UBR4: variants seen among roughly 807,000 people sequenced by gnomAD.
UBR4 encodes E3 ubiquitin-protein ligase UBR4.
In UBR4, 124 loss-of-function variants were observed where a neutral mutation model predicts 575.6. The ratio of observed to expected loss-of-function variants is 0.22; its 90% CI spans 0.19 to 0.25. The LOEUF is 0.25. Among genes scored for constraint, UBR4 ranks in the 10% least tolerant of loss-of-function variants. UBR4 has a pLI of 1.00. For synonymous variants in UBR4, 2,455 were observed against 2,473.7 expected (o/e 0.99, Z 0.22); for missense variants, 4,818 against 6,478.8 (o/e 0.74, Z 8.80).
Position 19,105,725 on chromosome 1 carries a change from A to G in UBR4, c.12503+8T>C. ...AACCACGCTCCTCATCCCACTCCCA[A>G]ATGGTACCTGGTAAGCAGGTCCAGG... On this transcript the variant is annotated splice_region_variant and intron_variant, in intron 84 of 105. Coordinates refer to ENST00000375254, the MANE Select transcript of UBR4 (RefSeq NM_020765.3). 6.4e-7 allele frequency: 1 copy of G among 1,573,788 alleles called. No homozygotes were observed. Among genetic ancestry groups the G allele is most frequent in the East Asian group, 2.3e-5 (1 of 44,086 alleles).
At chr1:19,083,699 A>G (rs1271800730) in intron 102 of UBR4, among the ~76,000 whole-genome samples, 1 of 152,070 alleles carries the variant, frequency 6.6e-6, no homozygotes, top group Non-Finnish European at 1.5e-5. Flanking sequence ...GCTAATTTAA[A>G]ACAATTGTTT....
rs371240041 is a variant in UBR4 at position 19,138,217 on chromosome 1, C to T, written c.8732-36G>A. 73 of 1,467,068 alleles carry T rather than the reference C, an allele frequency of 5.0e-5. No homozygotes were observed. In the African/African-American group the frequency reaches 9.8e-4, roughly 20 times the overall value. The allele number at this position is 1,467,068 out of a possible 1,614,324, so 90.9% of individuals were successfully genotyped here. On this transcript the variant is annotated intron_variant, in intron 59 of 105. Coordinates refer to ENST00000375254, the MANE Select transcript of UBR4 (RefSeq NM_020765.3). ...ATGGTTTAAAAAGCACAAATCAACT[C>T]CCAAAGCATGAAGGAACCCAGTGCA... is the stretch of plus-strand genomic sequence containing the variant.
At chr1:19,197,599 C>A in intron 7 of UBR4, 71 bp downstream of exon 7, 1 of 1,575,742 alleles carries the variant, frequency 6.3e-7, no homozygotes, top group Non-Finnish European at 8.6e-7. Flanking sequence ...TGCACTCCAG[C>A]CTGGGTGACA....
rs537415565 is a variant in UBR4 at position 19,184,521 on chromosome 1, C to T, written c.1939-346G>A. 2.6e-5 allele frequency among the ~76,000 whole-genome samples: 4 copies of T among 152,292 alleles called. No homozygotes were observed. In the South Asian group the frequency reaches 6.2e-4, roughly 24 times the overall value. ...ACTACTGATATATTCAATCCTGAAGCCTATATGAATGATTATTACACATAT... is the reference window on the plus strand; with the variant it reads ...ACTACTGATATATTCAATCCTGAAGTCTATATGAATGATTATTACACATAT... On this transcript the variant is annotated intron_variant, in intron 15 of 105. Coordinates refer to ENST00000375254, the MANE Select transcript of UBR4 (RefSeq NM_020765.3).
intron 49 of UBR4, chr1:19,149,732 C>T (rs575686947): frequency 4.9e-5 from 64 of 1,298,796 alleles, no homozygotes; most frequent in Non-Finnish European, 6.5e-5. Flanking sequence ...CACACTCACT[C>T]GTGCAGAGAA....
In UBR4 at chr1:19,100,848, T is replaced by G. The variant is rs142580657; in HGVS notation, c.13024-275A>C. 1.2e-4 allele frequency among the ~76,000 whole-genome samples: 18 copies of G among 151,828 alleles called. No individual in the cohort carries two copies. The highest frequency in any genetic ancestry group is 3.4e-3 in the Middle Eastern group (1 of 294). ...CAGACAAGGAGTGACATATGAGAGA[T>G]ATATTAAAAAATCGGGGAAGGGGTG... On this transcript the variant is annotated intron_variant, in intron 88 of 105. Transcript: ENST00000375254. This position sits in a 1 kb window ranked among gnomAD's most constrained non-coding sequence, Gnocchi z 4.2.
Position 19,152,218 on chromosome 1 carries a change from C to G in UBR4, c.6996+95G>C. On this transcript the variant is annotated intron_variant, in intron 47 of 105. Coordinates refer to ENST00000375254, the MANE Select transcript of UBR4 (RefSeq NM_020765.3). This position sits in a 1 kb window ranked among gnomAD's most constrained non-coding sequence, Gnocchi z 4.4. Reference sequence around the variant, plus strand: ...CGAGGGTTGTGACTGTGAGTATATACTCTATACTTGCTTTCTAAAAGGAGA... The same window carrying G: ...CGAGGGTTGTGACTGTGAGTATATAGTCTATACTTGCTTTCTAAAAGGAGA... 1 of 1,486,816 alleles carries G rather than the reference C, an allele frequency of 6.7e-7. No individual in the cohort carries two copies. The highest frequency in any genetic ancestry group is 9.2e-7 in the Non-Finnish European group (1 of 1,081,408). The allele number at this position is 1,486,816 out of a possible 1,614,324, so 92.1% of individuals were successfully genotyped here.
chr1:19,181,255 G>C (rs2090923712), intron 17 of UBR4, among the ~76,000 whole-genome samples: 1 of 151,982 alleles, frequency 6.6e-6, no homozygotes, highest in Non-Finnish European at 1.5e-5. Context: ...GGACGGACCA[G>C]CCGGGCATGA....
intron 102 of UBR4, chr1:19,081,783 T>C (rs771581174): frequency 4.3e-6 from 3 of 694,596 alleles, no homozygotes; most frequent in African/African-American, 1.9e-5. Flanking sequence ...CTTCGCGGCA[T>C]CTTCCCTTCT....
intron 30 of UBR4, 118 bp downstream of exon 30, chr1:19,165,538 G>A (rs1285384314): frequency 8.4e-7 from 1 of 1,184,626 alleles, no homozygotes; most frequent in East Asian, 2.4e-5. Flanking sequence ...CCAAAGTGCA[G>A]ACACCTAACC....
intron 8 of UBR4, 72 bp downstream of exon 8, chr1:19,197,069 G>C: frequency 6.4e-7 from 1 of 1,552,338 alleles, no homozygotes; most frequent in Non-Finnish European, 8.8e-7. Context: ...TATTCAGGAG[G>C]ATTTTCATGG....
chr1:19,178,231 G>A (rs1355103334), intron 18 of UBR4, among the ~76,000 whole-genome samples: 2 of 152,108 alleles, frequency 1.3e-5, no homozygotes, highest in African/African-American at 4.8e-5. Flanking sequence ...AAAATAACTC[G>A]ATAGACTATA....
chr1:19,084,632 G>A lies in UBR4; in HGVS notation c.14880C>T (p.Asp4960=). 2 of 1,614,160 alleles carry A rather than the reference G, an allele frequency of 1.2e-6. No individual in the cohort carries two copies. Among genetic ancestry groups the A allele is most frequent in the South Asian group, 2.2e-5 (2 of 91,084 alleles). ...CGAAGCGCAGGAAGAGCAGTTTGAT[G>A]TCATGGATGTTGAGCTGATACGTGG... The part of the protein sequence containing the change: ...REPTYQLNIH[D]IKLLFLRFAM... The change falls in exon 102 of 106, where the codon GAC becomes GAT. Residue 4960 remains aspartate (D), a synonymous_variant. Transcript: ENST00000375254.
At chr1:19,160,403 G>T in intron 38 of UBR4, 122 bp from the exon 39 acceptor site, 1 of 952,354 alleles carries the variant, frequency 1.1e-6, no homozygotes, top group Non-Finnish European at 1.5e-6. Flanking sequence ...CTTCCAGTTG[G>T]ATATTCTAGC....
At chr1:19,075,039 C>T (rs1557441579) in intron 105 of UBR4, 143 bp from the exon 106 acceptor site, 6 of 811,692 alleles carry the variant, frequency 7.4e-6, no homozygotes, top group South Asian at 6.2e-5. Flanking sequence ...GCAGCATGAC[C>T]GGGGAGGTAG....
intron 61 of UBR4, 93 bp downstream of exon 61, chr1:19,128,885 G>T: frequency 8.8e-7 from 1 of 1,134,524 alleles, no homozygotes; most frequent in Non-Finnish European, 1.3e-6. Context: ...AACACCAAAC[G>T]AAGGCTTCCA....
At chr1:19,077,044 C>T (rs2076013049) in intron 104 of UBR4, 142 bp from the exon 105 acceptor site, 1 of 856,464 alleles carries the variant, frequency 1.2e-6, no homozygotes, top group African/African-American at 1.7e-5. Flanking sequence ...CACCCTAGAG[C>T]GTGCGTTTTG....
At chr1:19,095,082 G>A (rs966357936) in intron 93 of UBR4, 57 bp from the exon 94 acceptor site, 2 of 1,612,538 alleles carry the variant, frequency 1.2e-6, no homozygotes, top group African/African-American at 1.3e-5. Flanking sequence ...ACTAACTGCT[G>A]AGGACAATTG....
At chr1:19,179,008 G>C (rs1466270495) in intron 18 of UBR4, 43 bp downstream of exon 18, 4 of 1,589,236 alleles carry the variant, frequency 2.5e-6, no homozygotes, top group Non-Finnish European at 3.4e-6. Context: ...AAATAAAAAA[G>C]GAAATAACTT....
Sources: allele counts gnomAD v4.1 joint callset (sites outside exome capture counted in the v4.1 genomes callset), GRCh38; gene constraint gnomAD v4.1.1; non-coding constraint Gnocchi (gnomAD v3.1); transcripts MANE v1.5; gene names NCBI Gene and HGNC (gene_info 2026-07-23, HGNC 2026-07-21).